PCDH15: variants seen among roughly 807,000 people sequenced by gnomAD.
PCDH15 encodes protocadherin related 15.
A neutral mutation model predicts 178.5 loss-of-function variants in PCDH15; 129 were observed. The observed-to-expected ratio is 0.72, with a 90% CI of 0.63 to 0.84. PCDH15 has a LOEUF of 0.84. Ranked by LOEUF, PCDH15 falls within the 40% of genes least tolerant of loss-of-function variation. The probability of loss-of-function intolerance (pLI) is 0.00; values close to 1 mark genes in which losing one functional copy is unlikely to be tolerated. For synonymous variants in PCDH15, 800 were observed against 732.0 expected (o/e 1.09, Z -1.50); for missense variants, 2,230 against 2,099.9 (o/e 1.06, Z -1.21).
chr10:55,608,200 T>A (rs1020495478), intron 2 of PCDH15, among the ~76,000 whole-genome samples: 1 of 150,464 alleles, frequency 6.6e-6, no homozygotes, highest in African/African-American at 2.5e-5. Flanking sequence ...GTGACTATAA[T>A]TTGTAAAACA....
intron 3 of PCDH15, among the ~76,000 whole-genome samples, chr10:54,480,476 T>G (rs546563546): frequency 6.6e-6 from 1 of 152,054 alleles, no homozygotes; most frequent in South Asian, 2.1e-4. Flanking sequence ...CTTATCTAAA[T>G]CAAAGACTCT....
chr10:54,449,868 C>G (rs1461444388), intron 3 of PCDH15, among the ~76,000 whole-genome samples: 2 of 151,506 alleles, frequency 1.3e-5, no homozygotes, highest in East Asian at 1.9e-4. Context: ...TGGAATCCAT[C>G]CCCCATGGAT....
intron 18 of PCDH15, among the ~76,000 whole-genome samples, chr10:54,049,709 C>T (rs531652700): frequency 6.6e-6 from 1 of 152,092 alleles, no homozygotes; most frequent in Non-Finnish European, 1.5e-5. Flanking sequence ...CAGTCTCTGC[C>T]TCCTGGGTTC....
chr10:54,715,739 T>G (rs955846), intron 1 of PCDH15, among the ~76,000 whole-genome samples: 132,174 of 151,746 alleles, frequency 0.87, 58,211 homozygotes, highest in Middle Eastern at 0.93. Flanking sequence ...ATACCTCCAG[T>G]CATTTGGCAC....
At chr10:54,371,623 A>T (rs1459012027) in intron 4 of PCDH15, among the ~76,000 whole-genome samples, 5 of 151,804 alleles carry the variant, frequency 3.3e-5, no homozygotes, top group Admixed American at 2.0e-4. Context: ...CTTAATCCAA[A>T]TTTGCACCAA....
chr10:54,465,486 C>T (rs1457246899), intron 3 of PCDH15, among the ~76,000 whole-genome samples: 1 of 151,996 alleles, frequency 6.6e-6, no homozygotes. Context: ...ATAGTGAGAA[C>T]ATGTGATAAT....
chr10:55,127,541 T>C (rs1275506226), intron 2 of PCDH15, among the ~76,000 whole-genome samples: 1 of 152,102 alleles, frequency 6.6e-6, no homozygotes. Flanking sequence ...GCTGTTATTA[T>C]TTTGTACATA....
intron 2 of PCDH15, among the ~76,000 whole-genome samples, chr10:55,609,048 A>ACG (rs1403989094): frequency 2.0e-5 from 3 of 149,000 alleles, no homozygotes; most frequent in Non-Finnish European, 4.5e-5. Context: ...ACACACACGC[A>ACG]CACACATATA....
At chr10:54,829,889 A>C (rs73254018) in intron 3 of PCDH15, among the ~76,000 whole-genome samples, 1 of 152,126 alleles carries the variant, frequency 6.6e-6, no homozygotes, top group Non-Finnish European at 1.5e-5. Flanking sequence ...CTATCACATC[A>C]ATGAATGGAG....
intron 3 of PCDH15, among the ~76,000 whole-genome samples, chr10:54,406,219 A>G (rs1023429939): frequency 1.3e-5 from 2 of 152,120 alleles, no homozygotes; most frequent in Non-Finnish European, 2.9e-5. Context: ...GCTATGCATT[A>G]ATGTATACCA....
chr10:54,239,288 C>T (rs1428122369), intron 8 of PCDH15, among the ~76,000 whole-genome samples: 1 of 151,642 alleles, frequency 6.6e-6, no homozygotes, highest in Non-Finnish European at 1.5e-5. Flanking sequence ...AAATGAGCAA[C>T]ATAATTTATT....
intron 1 of PCDH15, among the ~76,000 whole-genome samples, chr10:55,191,132 C>T (rs1473695744): frequency 6.6e-6 from 1 of 151,350 alleles, no homozygotes; most frequent in Non-Finnish European, 1.5e-5. Flanking sequence ...GGTTGGATAC[C>T]ATCTTGTATT....
chr10:54,304,133 G>A (rs2060318277), intron 8 of PCDH15, among the ~76,000 whole-genome samples: 1 of 151,940 alleles, frequency 6.6e-6, no homozygotes, highest in African/African-American at 2.4e-5. Flanking sequence ...GACATGGCAA[G>A]GTTTTTTCAA....
At position 54,448,318 on chromosome 10, in the gene PCDH15, A is replaced by G. The variant is rs553223526; in HGVS notation, c.158-69376T>C. Among the ~76,000 whole-genome samples the G allele has an allele frequency of 9.2e-5, 14 of 151,864 alleles. No individual in the cohort carries two copies. The East Asian group carries it at 2.7e-3, about 29-fold the overall frequency. ...GTGACATGCCCAAAGGAAGGTAATC[A>G]GAGGAAGGAAGAGAAGAAGCTAAGT... is the stretch of plus-strand genomic sequence containing the variant. On this transcript the variant is annotated intron_variant, in intron 3 of 37. Coordinates refer to ENST00000644397, the MANE Select transcript of PCDH15 (RefSeq NM_001384140.1).
intron 1 of PCDH15, among the ~76,000 whole-genome samples, chr10:55,248,246 C>T (rs1186324118): frequency 1.3e-5 from 2 of 151,352 alleles, no homozygotes; most frequent in African/African-American, 2.4e-5. Context: ...TACTATATAT[C>T]AGATTTTATG....
intron 18 of PCDH15, among the ~76,000 whole-genome samples, chr10:54,062,004 C>A (rs1411448191): frequency 6.6e-6 from 1 of 151,856 alleles, no homozygotes; most frequent in African/African-American, 2.4e-5. Flanking sequence ...GCGGGCAGAT[C>A]ACCTGAGGTC....
At chr10:54,662,774 G>A (rs567094569) in intron 2 of PCDH15, among the ~76,000 whole-genome samples, 1 of 151,826 alleles carries the variant, frequency 6.6e-6, no homozygotes, top group Non-Finnish European at 1.5e-5. Context: ...AAAATAGAAT[G>A]CCTTATTATA....
At chr10:55,313,873 G>A (rs1021639807) in intron 1 of PCDH15, among the ~76,000 whole-genome samples, 9 of 151,986 alleles carry the variant, frequency 5.9e-5, no homozygotes, top group African/African-American at 2.2e-4. Flanking sequence ...ATAAAAATAT[G>A]CTATTTGTGT....
intron 13 of PCDH15, among the ~76,000 whole-genome samples, chr10:54,168,792 C>G (rs1440245397): frequency 6.6e-6 from 1 of 152,122 alleles, no homozygotes; most frequent in Admixed American, 6.5e-5. Context: ...CATTTTATTA[C>G]CCAATCTGCT....
Sources: allele counts gnomAD v4.1 joint callset (sites outside exome capture counted in the v4.1 genomes callset), GRCh38; gene constraint gnomAD v4.1.1; transcripts MANE v1.5; gene names NCBI Gene and HGNC (gene_info 2026-07-23, HGNC 2026-07-21).